The following PSG11 variants were observed in gnomAD, a reference collection of about 807,000 sequenced individuals.
PSG11 encodes the protein pregnancy-specific beta-1-glycoprotein 11.
In PSG11, 42 loss-of-function variants were observed where a neutral mutation model predicts 36.0. That is an observed-to-expected ratio of 1.17 (90% confidence interval 0.91 to 1.51). The LOEUF is 1.51. Ranked by LOEUF, PSG11 falls within the 40% of genes most tolerant of loss-of-function variation. PSG11 has a pLI of 0.00. For missense variants in PSG11, 558 were observed against 403.5 expected, an observed-to-expected ratio of 1.38 and a Z score of -3.28; for synonymous variants, 206 against 153.5, an observed-to-expected ratio of 1.34 and a Z score of -2.53.
chr19:43,018,965 C>T lies in PSG11; in HGVS notation c.514G>A (p.Glu172Lys), dbSNP rs752286319. Residue 172 changes from glutamate to lysine, a missense_variant, in exon 3 of 6, where the codon GAG becomes AAG. Transcript: ENST00000320078. ...METVILTCNP[E>K]TPDASYLWWM... ...CACAGGTAGCTTGCGTCCGGAGTCT[C>T]AGGATTACAGGTTAAGATCACAGTC... 1 of 1,612,096 alleles carries T rather than the reference C, an allele frequency of 6.2e-7. No individual in the cohort carries two copies. Among genetic ancestry groups the T allele is most frequent in the Non-Finnish European group, 8.5e-7 (1 of 1,179,144 alleles).
chr19:43,015,236 A>G lies in PSG11; in HGVS notation c.844T>C (p.Ser282Pro), dbSNP rs1475234857. The G allele has an allele frequency of 1.2e-6, 2 of 1,611,626 alleles. No individual in the cohort carries two copies. The highest frequency in any genetic ancestry group is 2.2e-5 in the East Asian group (1 of 44,800). The change falls in exon 4 of 6, where the codon TCA becomes CCA. Residue 282 changes from serine (S) to proline (P), a missense_variant. Transcript: ENST00000320078. ...TGAGGGATAAAGAGCTTTTGTCCTG[A>G]TAGCTGAAACTTCCCATTAATTGTC... ...SWTINGKFQL[S>P]GQKLFIPQIT...
rs745362465 is a variant in PSG11, at chr19:43,013,208, A to G, written c.964+1908T>C. 7.9e-5 allele frequency among the ~76,000 whole-genome samples: 12 copies of G among 151,570 alleles called. 1 individual carries two copies. The South Asian group carries it at 1.7e-3, about 21-fold the overall frequency. On this transcript the variant is annotated intron_variant, in intron 4 of 5. Transcript: ENST00000320078. ...GCTTCATGATACTGGATTTCACAAT[A>G]ATTCCTTGGTTGTAACAACAAAAGC...
At position 43,024,889 on chromosome 19, in the gene PSG11, A is replaced by G; in HGVS notation, c.232T>C (p.Tyr78His). ...YKGQIRDLYH[Y>H]ITSYVVDGQI... Reference sequence around the variant, plus strand: ...CCGTCTACTACATATGATGTAATGTAATGGTAGAGGTCCCTGATTTGCCCT... The same window carrying G: ...CCGTCTACTACATATGATGTAATGTGATGGTAGAGGTCCCTGATTTGCCCT... The change falls in exon 2 of 6, where the codon TAC (tyrosine) becomes CAC (histidine). Residue 78 changes from tyrosine (Y) to histidine (H), a missense_variant. Physicochemically the swap from Tyr to His is moderately conservative, Grantham distance 83 (BLOSUM62 2). Transcript: ENST00000320078. 1.2e-6 allele frequency: 2 copies of G among 1,611,744 alleles called. No individual in the cohort carries two copies. Among genetic ancestry groups the G allele is most frequent in the Non-Finnish European group, 1.7e-6 (2 of 1,179,042 alleles).
chr19:43,010,890 C>CAT (rs10566441), intron 4 of PSG11, among the ~76,000 whole-genome samples: 10,140 of 140,216 alleles, frequency 0.072, 519 homozygotes, highest in African/African-American at 0.096. Context: ...CCTCTTTTTC[C>CAT]ATATATATAT....
intron 4 of PSG11, 115 bp from the exon 5 acceptor site, chr19:43,010,156 A>C (rs537444662): frequency 6.8e-7 from 1 of 1,474,410 alleles, no homozygotes. Flanking sequence ...CAAGGACTAC[A>C]TTATTTCTGT....
intron 3 of PSG11, among the ~76,000 whole-genome samples, chr19:43,018,088 G>T (rs145945667): frequency 0.018 from 2,662 of 151,298 alleles, 173 homozygotes; most frequent in African/African-American, 0.061. Flanking sequence ...GGAAAACATA[G>T]TGCCAATGCT....
At chr19:43,011,334 T>C (rs1162324599) in intron 4 of PSG11, among the ~76,000 whole-genome samples, 1 of 151,092 alleles carries the variant, frequency 6.6e-6, no homozygotes, top group African/African-American at 2.4e-5. Flanking sequence ...ACTCTTACAT[T>C]AAAAAAGAAG....
At chr19:43,016,698 A>G (rs1386578486) in intron 3 of PSG11, among the ~76,000 whole-genome samples, 1 of 151,496 alleles carries the variant, frequency 6.6e-6, no homozygotes, top group Non-Finnish European at 1.5e-5. Flanking sequence ...AAGATAGAGC[A>G]GAGCGCAAGG....
At chr19:43,019,999 A>G (rs1420561388) in intron 2 of PSG11, among the ~76,000 whole-genome samples, 2 of 151,308 alleles carry the variant, frequency 1.3e-5, no homozygotes, top group African/African-American at 2.4e-5. Flanking sequence ...TAGACATTCT[A>G]CCCTCTGATT....
chr19:43,018,530 G>A, intron 3 of PSG11: 1 of 945,724 alleles, frequency 1.1e-6, no homozygotes, highest in Non-Finnish European at 1.5e-6. Context: ...ACATTCACCT[G>A]TTTCTCCCAT....
rs1359222392 is a variant in PSG11 at position 43,015,244 on chromosome 19, A to G, written c.836T>C (p.Phe279Ser). Residue 279 changes from phenylalanine to serine, a missense_variant, in exon 4 of 6, where the codon TTT becomes TCT. Phe to Ser is a radical substitution (Grantham distance 155, BLOSUM62 -2). Transcript: ENST00000320078. ...AQYSWTINGK[F>S]QLSGQKLFIP... ...AAAGAGCTTTTGTCCTGATAGCTGA[A>G]ACTTCCCATTAATTGTCCAAGAATA... The G allele has an allele frequency of 3.1e-6, 5 of 1,611,586 alleles. 1 individual carries two copies. The highest frequency in any genetic ancestry group is 4.2e-6 in the Non-Finnish European group (5 of 1,178,568).
In PSG11 at chr19:43,019,074, GC is replaced by G; in HGVS notation, c.431-27del. The stretch of plus-strand genomic sequence containing the variant: ...CTGTGCAGAAAACAGAGAGAAGATT[GC>G]CCTGTGTGGCACCTTTGATTCCTCC... On this transcript the variant is annotated intron_variant, in intron 2 of 5. Coordinates refer to ENST00000320078, the MANE Select transcript of PSG11 (RefSeq NM_002785.3). The G allele has an allele frequency of 1.9e-6, 3 of 1,603,176 alleles. No homozygotes were observed. In the South Asian group the frequency reaches 3.3e-5, roughly 18 times the overall value.
At position 43,024,204 on chromosome 19, in the gene PSG11, T is replaced by C. The variant is rs186440933; in HGVS notation, c.430+487A>G. The stretch of plus-strand genomic sequence containing the variant: ...CACAGTCCTCAGACAGCTGGTAAAT[T>C]CTTGGTCCCAGTAAGCCCTGCCCAA... On this transcript the variant is annotated intron_variant, in intron 2 of 5. Transcript: ENST00000320078. Among the ~76,000 whole-genome samples, 166 of 151,426 alleles carry C rather than the reference T, an allele frequency of 1.1e-3. 4 individuals are homozygous for C. The highest frequency in any genetic ancestry group is 3.5e-3 in the African/African-American group (142 of 41,102).
At chr19:43,020,568 A>G (rs985859691) in intron 2 of PSG11, among the ~76,000 whole-genome samples, 4 of 151,488 alleles carry the variant, frequency 2.6e-5, no homozygotes, top group African/African-American at 4.9e-5. Flanking sequence ...CTAAACATCT[A>G]AGATCAATTG....
chr19:43,014,456 G>T, intron 4 of PSG11: 1 of 966,552 alleles, frequency 1.0e-6, no homozygotes, highest in Non-Finnish European at 1.2e-6. Context: ...CAGCTCAGGA[G>T]TCTGCCCTGA....
intron 4 of PSG11, 132 bp from the exon 5 acceptor site, chr19:43,010,173 A>G: frequency 6.8e-7 from 1 of 1,464,770 alleles, no homozygotes; most frequent in African/African-American, 1.4e-5. Flanking sequence ...CTGTTGGAAA[A>G]TTGATGGGAG....
chr19:43,025,737 T>A (rs1199780501), intron 1 of PSG11, among the ~76,000 whole-genome samples: 1 of 149,336 alleles, frequency 6.7e-6, no homozygotes, highest in Non-Finnish European at 1.5e-5. Flanking sequence ...TGTAGTGTCA[T>A]CTGATATAGT....
rs780001080 is a variant in PSG11 at position 43,026,438 on chromosome 19, C to T, written c.-66G>A. On this transcript the variant is annotated 5_prime_UTR_variant, in exon 1 of 6. It adds an upstream start codon to the 5' untranslated region. Coordinates refer to ENST00000320078, the MANE Select transcript of PSG11 (RefSeq NM_002785.3). ...CTAGGATCCAGAAGCTTCCAGAGCA[C>T]GGCTGTCAGCTGTGCTGTCCTTCCT... 128 of 1,584,120 alleles carry T rather than the reference C, an allele frequency of 8.1e-5. 2 individuals carry two copies. Among genetic ancestry groups the T allele is most frequent in the South Asian group, 1.5e-4 (13 of 89,354 alleles).
chr19:43,019,002 C>A lies in PSG11; in HGVS notation c.477G>T (p.Arg159Ser). 1 of 1,611,956 alleles carries A rather than the reference C, an allele frequency of 6.2e-7. No individual in the cohort carries two copies. ...TTAAGATCACAGTCTCCATGGCCTC[C>A]CTGGGGTTTAAGTTGCTGCTGGAGA... ...PSISSSNLNPREAMETVILTC... is the reference protein window; with the variant it reads ...PSISSSNLNPSEAMETVILTC... The change falls in exon 3 of 6, where the codon AGG becomes AGT. Residue 159 changes from arginine (R) to serine (S), a missense_variant. Arg to Ser is a moderately radical substitution (Grantham distance 110). Coordinates refer to ENST00000320078, the MANE Select transcript of PSG11 (RefSeq NM_002785.3).
Sources: allele counts gnomAD v4.1 joint callset (sites outside exome capture counted in the v4.1 genomes callset), GRCh38; gene constraint gnomAD v4.1.1; transcripts MANE v1.5; gene names NCBI Gene and HGNC (gene_info 2026-07-23, HGNC 2026-07-21).